FERMT2: variants seen among roughly 807,000 people sequenced by gnomAD.
FERMT2 encodes fermitin family homolog 2.
A neutral mutation model predicts 82.7 loss-of-function variants in FERMT2; 15 were observed. The observed-to-expected ratio is 0.18, with a 90% CI of 0.12 to 0.28. FERMT2 has a LOEUF of 0.28. FERMT2 is among the 10% of genes least tolerant of loss of function. The pLI, the probability that FERMT2 is intolerant of heterozygous loss-of-function variation, is 1.00. For synonymous variants in FERMT2, 274 were observed against 271.5 expected (o/e 1.01, Z -0.09); for missense variants, 645 against 809.4 (o/e 0.80, Z 2.46).
intron 2 of FERMT2, among the ~76,000 whole-genome samples, chr14:52,931,947 T>C (rs541147487): frequency 6.6e-6 from 1 of 152,192 alleles, no homozygotes; most frequent in Non-Finnish European, 1.5e-5. Context: ...GAGAATCACC[T>C]GAACCTGGGA....
chr14:52,882,549 C>G (rs1886356328), intron 4 of FERMT2, among the ~76,000 whole-genome samples: 2 of 152,160 alleles, frequency 1.3e-5, no homozygotes, highest in South Asian at 4.1e-4. Flanking sequence ...AGTCCTAGCT[C>G]TGTTAAATTA....
At chr14:52,885,063 C>G (rs1434488564) in intron 4 of FERMT2, among the ~76,000 whole-genome samples, 1 of 149,678 alleles carries the variant, frequency 6.7e-6, no homozygotes. Context: ...CTGTAATGCC[C>G]GCACTTTGAG....
intron 2 of FERMT2, among the ~76,000 whole-genome samples, chr14:52,945,442 G>A (rs997405440): frequency 1.3e-5 from 2 of 151,334 alleles, no homozygotes; most frequent in Non-Finnish European, 2.9e-5. Flanking sequence ...TGGTAGAGAC[G>A]GGGATTTCAC....
intron 2 of FERMT2, among the ~76,000 whole-genome samples, chr14:52,932,988 T>C (rs1889657656): frequency 6.6e-6 from 1 of 152,050 alleles, no homozygotes; most frequent in Admixed American, 6.6e-5. Context: ...ATAGCGTTAT[T>C]ATTAATCAAC....
intron 7 of FERMT2, among the ~76,000 whole-genome samples, chr14:52,877,361 T>C (rs889912726): frequency 2.6e-5 from 4 of 152,008 alleles, no homozygotes; most frequent in Non-Finnish European, 5.9e-5. Context: ...GTGAGGGGAC[T>C]CCCAACAAAC....
chr14:52,889,040 G>A (rs938163895), intron 4 of FERMT2, among the ~76,000 whole-genome samples: 3 of 152,134 alleles, frequency 2.0e-5, no homozygotes, highest in East Asian at 1.9e-4. Context: ...GCTTGGAAGC[G>A]GGATGAGCCT....
At chr14:52,890,170 C>T (rs1465251512) in intron 4 of FERMT2, among the ~76,000 whole-genome samples, 5 of 150,080 alleles carry the variant, frequency 3.3e-5, no homozygotes, top group Non-Finnish European at 5.9e-5. Flanking sequence ...CGGTGGCTCA[C>T]GCCTGTAATC....
chr14:52,935,824 C>A (rs1031726026), intron 2 of FERMT2, among the ~76,000 whole-genome samples: 9 of 152,152 alleles, frequency 5.9e-5, no homozygotes, highest in African/African-American at 2.2e-4. Flanking sequence ...TTACAAATAG[C>A]CTTTTGAAGT....
At chr14:52,946,926 G>A (rs1169696004) in intron 2 of FERMT2, among the ~76,000 whole-genome samples, 1 of 152,084 alleles carries the variant, frequency 6.6e-6, no homozygotes, top group African/African-American at 2.4e-5. Flanking sequence ...ACCTGCCTCA[G>A]CCTCCCTGCC....
intron 2 of FERMT2, among the ~76,000 whole-genome samples, chr14:52,940,609 A>T (rs1890047372): frequency 6.6e-6 from 1 of 152,206 alleles, no homozygotes; most frequent in Non-Finnish European, 1.5e-5. Context: ...ACATTTGAAG[A>T]ACTATTTTCA....
rs916354600 is a variant in FERMT2 at position 52,864,301 on chromosome 14, T to A, written c.1602+100A>T. ...TATATTCTAACCATCTGATACAAAA[T>A]TAAGACTAAAAAGTTTTGTTTAAGA... is the stretch of plus-strand genomic sequence containing the variant. On this transcript the variant is annotated intron_variant, in intron 12 of 14. Coordinates refer to ENST00000341590, the MANE Select transcript of FERMT2 (RefSeq NM_006832.3). The A allele has an allele frequency of 3.3e-5, 25 of 760,568 alleles. 2 individuals carry two copies. The South Asian group carries it at 4.4e-4, about 13-fold the overall frequency. The allele number at this position is 760,568 out of a possible 1,614,324, so 47.1% of individuals were successfully genotyped here. A position where few individuals can be genotyped will look rare whatever the true frequency, so the allele number is the denominator to read the frequency against.
intron 3 of FERMT2, among the ~76,000 whole-genome samples, chr14:52,906,877 TAC>T (rs1213430697): frequency 5.1e-5 from 6 of 117,568 alleles, no homozygotes; most frequent in Non-Finnish European, 8.1e-5. Context: ...ACAGAAAACA[TAC>T]AGAGGAACAA....
At chr14:52,904,630 T>C (rs1264040053) in intron 3 of FERMT2, among the ~76,000 whole-genome samples, 30 of 149,636 alleles carry the variant, frequency 2.0e-4, no homozygotes, top group Admixed American at 2.0e-3. Context: ...GAGGTGGAGG[T>C]TGCATTGAGC....
chr14:52,908,580 T>C (rs1359434515), intron 3 of FERMT2, among the ~76,000 whole-genome samples: 2 of 152,102 alleles, frequency 1.3e-5, no homozygotes, highest in Non-Finnish European at 2.9e-5. Context: ...AGGATTCCAT[T>C]TATCTAACAT....
At chr14:52,950,605 T>A in intron 1 of FERMT2, 28 bp from the exon 2 acceptor site, 1 of 1,606,880 alleles carries the variant, frequency 6.2e-7, no homozygotes, top group Non-Finnish European at 8.5e-7. Flanking sequence ...ATGGCTCTCG[T>A]AAGCGTCACT....
intron 2 of FERMT2, among the ~76,000 whole-genome samples, chr14:52,947,781 A>G (rs1365591463): frequency 2.6e-5 from 4 of 152,218 alleles, no homozygotes; most frequent in Non-Finnish European, 5.9e-5. Context: ...GACCTCTTTG[A>G]GAAATTAAAG....
chr14:52,922,662 C>T (rs1196985624), intron 2 of FERMT2, among the ~76,000 whole-genome samples: 1 of 152,048 alleles, frequency 6.6e-6, no homozygotes, highest in Non-Finnish European at 1.5e-5. Flanking sequence ...AGGTAATGTG[C>T]CACCAACCAC....
chr14:52,935,645 A>G (rs781717569), intron 2 of FERMT2, among the ~76,000 whole-genome samples: 8 of 152,210 alleles, frequency 5.3e-5, no homozygotes, highest in Non-Finnish European at 1.0e-4. Context: ...ACTGTGAGAA[A>G]TAAGTGCTTA....
chr14:52,873,023 G>T, intron 9 of FERMT2, 100 bp from the exon 10 acceptor site: 1 of 1,129,332 alleles, frequency 8.9e-7, no homozygotes, highest in Non-Finnish European at 1.3e-6. Context: ...CTGGGGTCAA[G>T]TTTTACACGT....
Sources: gnomAD v4.1 joint callset for allele counts (sites outside exome capture counted in the v4.1 genomes callset) on GRCh38, gnomAD v4.1.1 for gene constraint, MANE v1.5 for transcripts, NCBI Gene and HGNC (gene_info 2026-07-23, HGNC 2026-07-21) for gene names.